ADAM23: variants seen among roughly 807,000 people sequenced by gnomAD.
ADAM23 encodes the protein ADAM metallopeptidase domain 23.
Under a neutral mutation model 120.1 loss-of-function variants are expected in ADAM23, and 33 were observed. The ratio of observed to expected loss-of-function variants is 0.27; its 90% CI spans 0.21 to 0.37. ADAM23 has a LOEUF of 0.37. Ranked by LOEUF, ADAM23 falls within the 10% of genes least tolerant of loss-of-function variation. The pLI, the probability that ADAM23 is intolerant of heterozygous loss-of-function variation, is 1.00. For synonymous variants in ADAM23, 367 were observed against 375.2 expected (o/e 0.98, Z 0.25); for missense variants, 862 against 1,058.2 (o/e 0.81, Z 2.57).
At chr2:206,595,965 C>T in intron 23 of ADAM23, 86 bp from the exon 24 acceptor site, 1 of 1,044,476 alleles carries the variant, frequency 9.6e-7, no homozygotes, top group Non-Finnish European at 1.4e-6. Flanking sequence ...AAAGCTTCCT[C>T]CCTGCCCCCG....
intron 3 of ADAM23, among the ~76,000 whole-genome samples, chr2:206,527,640 C>G (rs1035845812): frequency 6.6e-6 from 1 of 152,064 alleles, no homozygotes; most frequent in African/African-American, 2.4e-5. Flanking sequence ...TTTCCAAGCC[C>G]CTATAGCAGG....
intron 3 of ADAM23, 95 bp downstream of exon 3, chr2:206,481,403 A>G: frequency 1.1e-6 from 1 of 871,046 alleles, no homozygotes; most frequent in Non-Finnish European, 1.7e-6. Flanking sequence ...GTTGTTTAAC[A>G]ACTATTTTCT....
At chr2:206,465,120 G>T (rs185681490) in intron 2 of ADAM23, among the ~76,000 whole-genome samples, 79 of 151,214 alleles carry the variant, frequency 5.2e-4, no homozygotes, top group Non-Finnish European at 8.3e-4. Context: ...ATCGTTGCTC[G>T]CCGTAGCCTC....
At chr2:206,606,589 T>A (rs1044333185) in intron 24 of ADAM23, 5 of 152,042 alleles carry the variant, frequency 3.3e-5, no homozygotes, top group Non-Finnish European at 7.4e-5. Context: ...GTAGCCAGGG[T>A]GTAAATAAAT....
chr2:206,475,121 G>T (rs1317735466), intron 2 of ADAM23, among the ~76,000 whole-genome samples: 1 of 152,082 alleles, frequency 6.6e-6, no homozygotes, highest in African/African-American at 2.4e-5. Context: ...CTATAAAAGG[G>T]TAATAAAAAT....
intron 25 of ADAM23, among the ~76,000 whole-genome samples, chr2:206,610,280 A>G (rs1457428472): frequency 6.6e-6 from 1 of 152,168 alleles, no homozygotes; most frequent in African/African-American, 2.4e-5. Context: ...AAGAGCAGGC[A>G]CTCTGAGATA....
At chr2:206,584,854 A>T (rs1282292485) in intron 18 of ADAM23, among the ~76,000 whole-genome samples, 9 of 152,160 alleles carry the variant, frequency 5.9e-5, no homozygotes, top group African/African-American at 2.2e-4. Context: ...TTCCCGTTGG[A>T]TCCCTATGGT....
intron 2 of ADAM23, among the ~76,000 whole-genome samples, chr2:206,474,405 G>A (rs771592273): frequency 1.3e-4 from 20 of 152,078 alleles, no homozygotes; most frequent in Non-Finnish European, 2.5e-4. Context: ...AATGCACATT[G>A]GAATTTGCTA....
At chr2:206,541,971 T>C (rs548448744) in intron 4 of ADAM23, 81 bp from the exon 5 acceptor site, 2 of 1,421,228 alleles carry the variant, frequency 1.4e-6, no homozygotes, top group East Asian at 2.3e-5. Context: ...CATCCTTGCA[T>C]TTCTTTTTGC....
At chr2:206,559,357 G>C (rs1167929350) in intron 10 of ADAM23, among the ~76,000 whole-genome samples, 1 of 152,202 alleles carries the variant, frequency 6.6e-6, no homozygotes, top group Non-Finnish European at 1.5e-5. Flanking sequence ...AGCAGAAAGG[G>C]AACAATTTAA....
intron 3 of ADAM23, among the ~76,000 whole-genome samples, chr2:206,503,747 C>A (rs916013407): frequency 7.9e-5 from 12 of 152,106 alleles, no homozygotes; most frequent in African/African-American, 2.9e-4. Context: ...TGTCATAAGT[C>A]AATTCTGATT....
chr2:206,550,748 C>T (rs1199338643), intron 9 of ADAM23, among the ~76,000 whole-genome samples: 1 of 151,932 alleles, frequency 6.6e-6, no homozygotes, highest in Non-Finnish European at 1.5e-5. Flanking sequence ...ACTACAGGCG[C>T]CCGCCACTAC....
At chr2:206,593,287 T>C (rs1406080615) in intron 22 of ADAM23, among the ~76,000 whole-genome samples, 1 of 152,196 alleles carries the variant, frequency 6.6e-6, no homozygotes, top group Non-Finnish European at 1.5e-5. Flanking sequence ...GGGAGTCATA[T>C]TATATTCCAA....
intron 4 of ADAM23, among the ~76,000 whole-genome samples, chr2:206,536,200 G>A (rs540996091): frequency 2.6e-5 from 4 of 152,126 alleles, no homozygotes; most frequent in African/African-American, 7.2e-5. Context: ...CTTTAAGGCC[G>A]AATGCTATTC....
At chr2:206,565,787 A>G (rs1463077740) in intron 14 of ADAM23, among the ~76,000 whole-genome samples, 1 of 152,124 alleles carries the variant, frequency 6.6e-6, no homozygotes, top group Non-Finnish European at 1.5e-5. Flanking sequence ...TTGCCATGCC[A>G]GACACCTGCT....
rs997045293 is a variant in ADAM23 at position 206,619,513 on chromosome 2, C to G, written c.*1886C>G. 6.6e-6 allele frequency: 1 copy of G among 151,720 alleles called. No homozygotes were observed. The highest frequency in any genetic ancestry group is 2.4e-5 in the African/African-American group (1 of 41,186). The allele number at this position is 151,720 out of a possible 1,614,324, so 9.4% of individuals were successfully genotyped here. ...AAGAGCCCCTACTTCTCTAATGCCCCCCCCCTTTTTTTTTTAGGAAAAGAA... is the reference window on the plus strand; with the variant it reads ...AAGAGCCCCTACTTCTCTAATGCCCGCCCCCTTTTTTTTTTAGGAAAAGAA... On this transcript the variant is annotated 3_prime_UTR_variant, in exon 26 of 26. Transcript: ENST00000264377.
intron 18 of ADAM23, among the ~76,000 whole-genome samples, chr2:206,577,811 A>G (rs879383829): frequency 6.6e-6 from 1 of 151,666 alleles, no homozygotes; most frequent in Non-Finnish European, 1.5e-5. Flanking sequence ...TGGTATTTCT[A>G]GTTCTAGATC....
chr2:206,577,369 G>A (rs568448862), intron 18 of ADAM23, among the ~76,000 whole-genome samples: 6 of 139,090 alleles, frequency 4.3e-5, no homozygotes, highest in African/African-American at 5.4e-5. Context: ...CCACTAACTC[G>A]TCATCTAGCA....
intron 2 of ADAM23, among the ~76,000 whole-genome samples, chr2:206,479,932 GTTTA>G (rs1362179825): frequency 2.0e-5 from 3 of 152,132 alleles, no homozygotes; most frequent in Non-Finnish European, 4.4e-5. Context: ...ATAAGTCATG[GTTTA>G]TTTATAGTGT....
Sources: gnomAD v4.1 joint callset for allele counts (sites outside exome capture counted in the v4.1 genomes callset) on GRCh38, gnomAD v4.1.1 for gene constraint, MANE v1.5 for transcripts, NCBI Gene and HGNC (gene_info 2026-07-23, HGNC 2026-07-21) for gene names.